RTL4: variants seen among roughly 807,000 people sequenced by gnomAD.
RTL4 encodes the protein retrotransposon Gag like 4, also known as retrotransposon Gag-like protein 4.
A neutral mutation model predicts 5.3 loss-of-function variants in RTL4; 4 were observed. That is an observed-to-expected ratio of 0.75 (90% CI 0.37 to 1.72). The LOEUF (loss-of-function observed/expected upper bound fraction) is 1.72. RTL4 is among the 40% of genes most tolerant of loss of function. The probability of loss-of-function intolerance (pLI) is 0.04; values close to 1 mark genes in which losing one functional copy is unlikely to be tolerated. For synonymous variants in RTL4, 98 were observed against 87.3 expected, an observed-to-expected ratio of 1.12 and a Z score of -0.68; for missense variants, 260 against 227.1, an observed-to-expected ratio of 1.14 and a Z score of -0.93.
At chrX:112,302,084 C>G in the RTL4 span, among the ~76,000 whole-genome samples, 666 of 109,436 alleles carry the variant, frequency 6.1e-3, 2 homozygotes, top group African/African-American at 0.021. Flanking sequence ...CATGGTGAAA[C>G]CCCGTCTCTA....
At chrX:112,259,751 T>C in the RTL4 span, among the ~76,000 whole-genome samples, 5 of 111,716 alleles carry the variant, frequency 4.5e-5, no homozygotes, top group African/African-American at 1.3e-4. Context: ...TCACTAATGA[T>C]AAGCAATCAA....
the RTL4 span, among the ~76,000 whole-genome samples, chrX:112,341,104 G>A: frequency 1.2e-3 from 130 of 110,164 alleles, 4 homozygotes; most frequent in Admixed American, 0.012. Context: ...GCTTGATGTG[G>A]GCAAATGGAA....
At chrX:112,196,281 C>T in the RTL4 span, among the ~76,000 whole-genome samples, 1 of 111,232 alleles carries the variant, frequency 9.0e-6, no homozygotes, top group East Asian at 2.8e-4. Flanking sequence ...ACGTAATTTT[C>T]TCGATTCATC....
chrX:112,310,678 T>G, the RTL4 span, among the ~76,000 whole-genome samples: 1 of 69,014 alleles, frequency 1.4e-5, no homozygotes, highest in Non-Finnish European at 2.4e-5. Context: ...ATGTATTATA[T>G]ATTATATATT....
the RTL4 span, among the ~76,000 whole-genome samples, chrX:112,324,767 A>T: frequency 9.0e-6 from 1 of 111,446 alleles, no homozygotes; most frequent in East Asian, 2.8e-4. Flanking sequence ...TTTGTAACCT[A>T]ATATTTGGTC....
the RTL4 span, among the ~76,000 whole-genome samples, chrX:112,243,525 G>A: frequency 1.8e-3 from 203 of 111,506 alleles, 1 homozygote; most frequent in African/African-American, 6.4e-3. Context: ...TTGTATTTCT[G>A]TAGGATCGGT....
the RTL4 span, among the ~76,000 whole-genome samples, chrX:112,084,366 G>T: frequency 6.3e-5 from 7 of 110,286 alleles, no homozygotes; most frequent in African/African-American, 9.9e-5. Context: ...TTGGAGAAAA[G>T]AAAATTATTA....
chrX:112,097,875 T>C, the RTL4 span, among the ~76,000 whole-genome samples: 2 of 111,326 alleles, frequency 1.8e-5, no homozygotes, highest in African/African-American at 6.5e-5. Flanking sequence ...GGACCAGGAA[T>C]CTTTTTTTCA....
the RTL4 span, among the ~76,000 whole-genome samples, chrX:112,121,008 G>A: frequency 1.8e-5 from 2 of 111,225 alleles, no homozygotes; most frequent in South Asian, 7.6e-4. Context: ...TGGGAGGAGG[G>A]ATAGGATCAG....
the RTL4 span, among the ~76,000 whole-genome samples, chrX:112,171,067 G>A: frequency 6.6e-4 from 74 of 111,831 alleles, no homozygotes; most frequent in Non-Finnish European, 1.0e-3. Context: ...TGCATATGTC[G>A]AACCAATCTT....
the RTL4 span, among the ~76,000 whole-genome samples, chrX:112,296,115 G>C: frequency 9.0e-6 from 1 of 111,494 alleles, no homozygotes. Context: ...CTGCCTCAGA[G>C]GACATAAGAC....
chrX:112,421,016 A>T, the RTL4 span, among the ~76,000 whole-genome samples: 5 of 111,361 alleles, frequency 4.5e-5, no homozygotes, highest in African/African-American at 1.6e-4. Context: ...GGTGAGATTA[A>T]CACTTCCCTT....
the RTL4 span, among the ~76,000 whole-genome samples, chrX:112,159,513 A>C: frequency 8.9e-6 from 1 of 112,065 alleles, no homozygotes; most frequent in Non-Finnish European, 1.9e-5. Flanking sequence ...AATAGCAAAA[A>C]TACCTCTTTC....
the RTL4 span, among the ~76,000 whole-genome samples, chrX:112,331,679 A>T: frequency 9.4e-6 from 1 of 105,958 alleles, no homozygotes; most frequent in African/African-American, 3.5e-5. Context: ...AAGGACTATA[A>T]ATCATGCTGC....
At chrX:112,203,477 A>G in the RTL4 span, among the ~76,000 whole-genome samples, 2 of 111,423 alleles carry the variant, frequency 1.8e-5, no homozygotes, top group African/African-American at 6.5e-5. Flanking sequence ...CCTAGTGTCC[A>G]AGTGTTCTAG....
chrX:112,406,826 T>A, the RTL4 span, among the ~76,000 whole-genome samples: 1 of 109,651 alleles, frequency 9.1e-6, no homozygotes, highest in African/African-American at 3.3e-5. Flanking sequence ...CCACAGCAAG[T>A]TAGAATACTA....
chrX:112,386,581 C>G, the RTL4 span, among the ~76,000 whole-genome samples: 17 of 110,635 alleles, frequency 1.5e-4, no homozygotes, highest in East Asian at 4.6e-3. Flanking sequence ...GCTTATCTTC[C>G]ACTTATGAGT....
chrX:112,404,167 A>G, the RTL4 span, among the ~76,000 whole-genome samples: 1 of 111,517 alleles, frequency 9.0e-6, no homozygotes, highest in African/African-American at 3.3e-5. Flanking sequence ...GGGCTCCTCC[A>G]GTTTACTACA....
the RTL4 span, among the ~76,000 whole-genome samples, chrX:112,369,216 C>T: frequency 2.4e-3 from 271 of 112,917 alleles, 3 homozygotes; most frequent in Non-Finnish European, 1.4e-3. Context: ...GGTGGAACCA[C>T]AGGCAGAGCC....
Sources: allele counts gnomAD v4.1 joint callset (sites outside exome capture counted in the v4.1 genomes callset), GRCh38; gene constraint gnomAD v4.1.1; transcripts MANE v1.5; gene names NCBI Gene and HGNC (gene_info 2026-07-23, HGNC 2026-07-21).